Variants in GATAD2A observed in about 807,000 individuals in gnomAD.
GATAD2A encodes the protein transcriptional repressor p66-alpha.
A neutral mutation model predicts 68.5 loss-of-function variants in GATAD2A; 12 were observed. The observed-to-expected ratio is 0.18, with a 90% CI of 0.11 to 0.28. GATAD2A has a LOEUF of 0.28. GATAD2A is among the 10% of genes least tolerant of loss of function. The pLI, the probability that GATAD2A is intolerant of heterozygous loss-of-function variation, is 1.00. For synonymous variants in GATAD2A, 410 were observed against 375.3 expected, an observed-to-expected ratio of 1.09 and a Z score of -1.07; for missense variants, 755 against 868.5, an observed-to-expected ratio of 0.87 and a Z score of 1.64.
chr19:19,497,920 T>C (rs933787390), intron 7 of GATAD2A, among the ~76,000 whole-genome samples: 13 of 152,010 alleles, frequency 8.6e-5, no homozygotes, highest in African/African-American at 3.1e-4. Context: ...GGGGAAGAGG[T>C]TGGCCTAGGA....
chr19:19,484,518 C>CTTTTTTTTTT (rs58628123), intron 2 of GATAD2A, among the ~76,000 whole-genome samples: 1 of 114,464 alleles, frequency 8.7e-6, no homozygotes, highest in Non-Finnish European at 1.8e-5. Flanking sequence ...TTTTCTTTTT[C>CTTTTTTTTTT]TTTTTTTTTT....
chr19:19,439,092 G>A (rs894755005), intron 1 of GATAD2A, among the ~76,000 whole-genome samples: 4 of 152,196 alleles, frequency 2.6e-5, no homozygotes, highest in African/African-American at 7.2e-5. Flanking sequence ...GAGCAGGGCC[G>A]GAGGAGGGCT....
In GATAD2A at chr19:19,421,674, C is replaced by T. The variant is rs751850614; in HGVS notation, c.-7+15655C>T. 3.9e-5 allele frequency among the ~76,000 whole-genome samples: 6 copies of T among 152,090 alleles called. No homozygotes were observed. In the East Asian group the frequency reaches 1.2e-3, roughly 29 times the overall value. ...GCGAGGGAAGAAAGACATCCTAGTC[C>T]GTGTTGGACATGGGCTCTGTGTGGC... On this transcript the variant is annotated intron_variant, in intron 1 of 11. Transcript: ENST00000683918.
chr19:19,452,537 A>T (rs1263890713), intron 1 of GATAD2A, among the ~76,000 whole-genome samples: 4 of 152,020 alleles, frequency 2.6e-5, no homozygotes, highest in Non-Finnish European at 5.9e-5. Context: ...CCCCAAGTCC[A>T]GGGAGCCCCA....
intron 2 of GATAD2A, among the ~76,000 whole-genome samples, chr19:19,487,337 G>T (rs192648545): frequency 4.6e-5 from 7 of 152,156 alleles, no homozygotes; most frequent in African/African-American, 1.7e-4. Context: ...GAAGGAGGTC[G>T]TGATGGCCCC....
At position 19,505,485 on chromosome 19, in the gene GATAD2A, G is replaced by T. The variant is rs2060827548; in HGVS notation, c.*11G>T. The T allele has an allele frequency of 1.9e-6, 3 of 1,566,638 alleles. No individual in the cohort carries two copies. The highest frequency in any genetic ancestry group is 1.7e-6 in the Non-Finnish European group (2 of 1,155,948). ...GCCACGTGGAAATAGTGCGAGCCAG[G>T]CCCCGTGGAAGACGGGCTCCCTCCT... On this transcript the variant is annotated 3_prime_UTR_variant, in exon 12 of 12. Transcript: ENST00000683918.
At chr19:19,402,101 T>A (rs1030152833), upstream of GATAD2A, 1 of 152,122 alleles carries the variant, frequency 6.6e-6, no homozygotes, top group Non-Finnish European at 1.5e-5. Flanking sequence ...CTCTGTCACC[T>A]AGGCTAGAGT....
intron 1 of GATAD2A, among the ~76,000 whole-genome samples, chr19:19,462,590 G>C (rs1044873524): frequency 1.3e-5 from 2 of 152,354 alleles, no homozygotes; most frequent in South Asian, 4.1e-4. Flanking sequence ...TGTGCACCTT[G>C]AGTACACGCC....
intron 1 of GATAD2A, among the ~76,000 whole-genome samples, chr19:19,425,863 C>A (rs2053021166): frequency 6.6e-6 from 1 of 151,960 alleles, no homozygotes; most frequent in Non-Finnish European, 1.5e-5. Flanking sequence ...AGTGTCTGCT[C>A]ACTGCATCCT....
chr19:19,465,330 C>T lies in GATAD2A; in HGVS notation c.-6-10C>T. On this transcript the variant is annotated splice_polypyrimidine_tract_variant and intron_variant, in intron 1 of 11. Transcript: ENST00000683918. ...CAGTTAAAATGTTGTGTCTTCTCCTCCCTCCCAAGTTCAGAATGACCGAAG... is the reference window on the plus strand; with the variant it reads ...CAGTTAAAATGTTGTGTCTTCTCCTTCCTCCCAAGTTCAGAATGACCGAAG... The T allele has an allele frequency of 3.7e-6, 6 of 1,610,480 alleles. No individual in the cohort carries two copies. Among genetic ancestry groups the T allele is most frequent in the Non-Finnish European group, 5.1e-6 (6 of 1,176,700 alleles).
chr19:19,391,179 A>G (rs942240880), intron 1 of GATAD2A, among the ~76,000 whole-genome samples: 1 of 152,264 alleles, frequency 6.6e-6, no homozygotes, highest in Admixed American at 6.5e-5. Flanking sequence ...GTATGGGAAT[A>G]GATGGCATTC....
At chr19:19,492,852 G>A (rs2059895759) in intron 4 of GATAD2A, 140 bp downstream of exon 4, 2 of 713,896 alleles carry the variant, frequency 2.8e-6, no homozygotes, top group Non-Finnish European at 4.6e-6. Flanking sequence ...CCGCATTTGT[G>A]GACTCCAGTG....
chr19:19,457,556 C>T (rs1057213835), intron 1 of GATAD2A, among the ~76,000 whole-genome samples: 2 of 151,980 alleles, frequency 1.3e-5, no homozygotes, highest in African/African-American at 4.8e-5. Flanking sequence ...CTGGCTAACA[C>T]GGTGAAACCC....
At chr19:19,504,708 C>T (rs931790143) in intron 11 of GATAD2A, among the ~76,000 whole-genome samples, 12 of 148,992 alleles carry the variant, frequency 8.1e-5, no homozygotes, top group African/African-American at 2.5e-4. Flanking sequence ...AATGCAGTAG[C>T]GCGATCATAG....
rs1325085799 is a variant in GATAD2A at position 19,505,830 on chromosome 19, C to T, written c.*356C>T. On this transcript the variant is annotated 3_prime_UTR_variant, in exon 12 of 12. Transcript: ENST00000683918. Reference sequence around the variant, plus strand: ...TCAGCCCCTGCCGGCACACGGGCGGCTCACCCTGGACACTGTGATGCGCAT... The same window carrying T: ...TCAGCCCCTGCCGGCACACGGGCGGTTCACCCTGGACACTGTGATGCGCAT... 2 of 438,228 alleles carry T rather than the reference C, an allele frequency of 4.6e-6. No homozygotes were observed. The highest frequency in any genetic ancestry group is 4.0e-6 in the Non-Finnish European group (1 of 251,326). 27.1% of individuals were successfully genotyped at this position (438,228 alleles called of 1,614,324 possible).
Position 19,492,364 on chromosome 19 carries a change from G to A in GATAD2A, c.328G>A (p.Glu110Lys), listed in dbSNP as rs1568332753. 6.2e-7 allele frequency: 1 copy of A among 1,612,606 alleles called. No individual in the cohort carries two copies. The highest frequency in any genetic ancestry group is 8.5e-7 in the Non-Finnish European group (1 of 1,179,280). The change falls in exon 3 of 12, where the codon GAG (glutamate) becomes AAG (lysine). Residue 110 changes from glutamate to lysine, a missense_variant. Transcript: ENST00000683918. ...TGACGTGATTGTGCTCTCCGACAAC[G>A]AGCAGCCCTCGAGCCCGAGAGTGAA... ...SPDVIVLSDN[E>K]QPSSPRVNGL...
intron 1 of GATAD2A, among the ~76,000 whole-genome samples, chr19:19,412,682 A>G (rs1600051806): frequency 6.6e-6 from 1 of 151,658 alleles, no homozygotes; most frequent in South Asian, 2.1e-4. Context: ...GATGTGAAAA[A>G]CCCTGTGGCC....
In GATAD2A at chr19:19,456,170, A is replaced by G. The variant is rs114943108; in HGVS notation, c.-6-9170A>G. ...CTCCATCTCAAAAAAAAAAAAAAAA[A>G]AGAGAGAAAAAGTTTGCCAACTCTT... On this transcript the variant is annotated intron_variant, in intron 1 of 11. Coordinates refer to ENST00000683918, the MANE Select transcript of GATAD2A (RefSeq NM_001384528.1). 1.8e-3 allele frequency among the ~76,000 whole-genome samples: 242 copies of G among 130,812 alleles called. 1 individual carries two copies. Among genetic ancestry groups the G allele is most frequent in the Non-Finnish European group, 2.5e-3 (171 of 67,386 alleles). The allele number at this position is 130,812 out of a possible 152,430, so 85.8% of individuals were successfully genotyped here.
chr19:19,475,094 A>G (rs2058581191), intron 2 of GATAD2A, among the ~76,000 whole-genome samples: 1 of 152,222 alleles, frequency 6.6e-6, no homozygotes, highest in Admixed American at 6.5e-5. Flanking sequence ...TTGTCTTCAC[A>G]GCGATGTGCA....
Sources: allele counts gnomAD v4.1 joint callset (sites outside exome capture counted in the v4.1 genomes callset), GRCh38; gene constraint gnomAD v4.1.1; transcripts MANE v1.5; gene names NCBI Gene and HGNC (gene_info 2026-07-23, HGNC 2026-07-21).